FAM91A1: variants seen among roughly 807,000 people sequenced by gnomAD.
The protein encoded by FAM91A1 is protein FAM91A1.
Under a neutral mutation model 113.5 loss-of-function variants are expected in FAM91A1, and 41 were observed. The ratio of observed to expected loss-of-function variants is 0.36; its 90% CI spans 0.28 to 0.47. The LOEUF is 0.47. Among genes scored for constraint, FAM91A1 ranks in the 20% least tolerant of loss-of-function variants. The pLI is 1.00. For missense variants in FAM91A1, 696 were observed against 1,001.2 expected (o/e 0.70, Z 4.11); for synonymous variants, 307 against 347.9 (o/e 0.88, Z 1.31).
chr8:123,772,401 T>C (rs1814871225), intron 1 of FAM91A1, among the ~76,000 whole-genome samples: 1 of 152,192 alleles, frequency 6.6e-6, no homozygotes, highest in Non-Finnish European at 1.5e-5. Context: ...CCTTTAAAAG[T>C]GTGCTATTTT....
Position 123,787,306 on chromosome 8 carries a change from C to G in FAM91A1, c.1124C>G (p.Thr375Arg). 2 of 1,611,720 alleles carry G rather than the reference C, an allele frequency of 1.2e-6. No individual in the cohort carries two copies. The highest frequency in any genetic ancestry group is 1.7e-6 in the Non-Finnish European group (2 of 1,179,688). The change falls in exon 13 of 24, where the codon ACG becomes AGG. Residue 375 changes from threonine to arginine, a missense_variant. By Grantham distance (71) the Thr-to-Arg change is moderately conservative (BLOSUM62 -1). Coordinates refer to ENST00000334705, the MANE Select transcript of FAM91A1 (RefSeq NM_144963.4). ...AGCCTGAGTCTGTCTACAGGACACA[C>G]GAAGCGCATCGCATTCCTGTTTGAC... Reference protein sequence around the residue: ...VSSLSLSTGHTKRIAFLFDST... With the variant: ...VSSLSLSTGHRKRIAFLFDST...
intron 3 of FAM91A1, among the ~76,000 whole-genome samples, chr8:123,776,009 CACTA>C (rs1814975795): frequency 6.6e-6 from 1 of 152,062 alleles, no homozygotes; most frequent in Non-Finnish European, 1.5e-5. Context: ...TTTAACTATT[CACTA>C]ACTGTCTAAA....
intron 15 of FAM91A1, among the ~76,000 whole-genome samples, chr8:123,795,239 G>A (rs565467824): frequency 3.6e-4 from 55 of 152,298 alleles, no homozygotes; most frequent in African/African-American, 1.3e-3. Context: ...CCGAGAGGCA[G>A]CAGATGAGTT....
At chr8:123,812,409 G>GTTAAA in intron 23 of FAM91A1, 110 bp from the exon 24 acceptor site, 1 of 714,152 alleles carries the variant, frequency 1.4e-6, no homozygotes, top group South Asian at 4.4e-5. Context: ...GTACTGCTTT[G>GTTAAA]CAATCCATAA....
At chr8:123,773,091 T>C (rs1814893747) in intron 1 of FAM91A1, among the ~76,000 whole-genome samples, 1 of 152,194 alleles carries the variant, frequency 6.6e-6, no homozygotes, top group Non-Finnish European at 1.5e-5. Context: ...CACATAATTG[T>C]ACAGTTAAAA....
intron 8 of FAM91A1, among the ~76,000 whole-genome samples, chr8:123,781,197 T>A (rs893903524): frequency 5.9e-5 from 9 of 152,354 alleles, no homozygotes; most frequent in Admixed American, 5.9e-4. Flanking sequence ...GGTTATATGT[T>A]ACAAGTATGT....
chr8:123,793,560 C>G (rs1262591543), intron 15 of FAM91A1, among the ~76,000 whole-genome samples: 2 of 152,196 alleles, frequency 1.3e-5, no homozygotes, highest in African/African-American at 4.8e-5. Context: ...TGAGGATTTC[C>G]TTTAAGCTTG....
At chr8:123,790,747 T>G (rs139001577) in intron 15 of FAM91A1, among the ~76,000 whole-genome samples, 54 of 152,328 alleles carry the variant, frequency 3.5e-4, no homozygotes, top group Admixed American at 1.3e-3. Flanking sequence ...TGAGTGAGGC[T>G]AGACTCACTT....
chr8:123,777,576 T>C (rs1316997938), intron 4 of FAM91A1, among the ~76,000 whole-genome samples: 3 of 152,218 alleles, frequency 2.0e-5, no homozygotes, highest in Non-Finnish European at 4.4e-5. Context: ...TTCCAGAGAA[T>C]GAAGTTCTTT....
In FAM91A1 at chr8:123,812,708, GGT is replaced by G. The variant is rs1563651806; in HGVS notation, c.*5_*6del. The G allele has an allele frequency of 1.9e-6, 3 of 1,560,922 alleles. No individual in the cohort carries two copies. Among genetic ancestry groups the G allele is most frequent in the East Asian group, 4.7e-5 (2 of 42,602 alleles). On this transcript the variant is annotated 3_prime_UTR_variant, in exon 24 of 24. Coordinates refer to ENST00000334705, the MANE Select transcript of FAM91A1 (RefSeq NM_144963.4). ...TGCTAATCTCCATTTGCAATAATTTGGTTACACCATTTGTTGCTCACACTTTC... is the reference window on the plus strand; with the variant it reads ...TGCTAATCTCCATTTGCAATAATTTGTACACCATTTGTTGCTCACACTTTC...
chr8:123,806,297 G>C, intron 20 of FAM91A1, 68 bp downstream of exon 20: 1 of 1,468,364 alleles, frequency 6.8e-7, no homozygotes, highest in Non-Finnish European at 9.2e-7. Flanking sequence ...GTTAATATAT[G>C]AAAAGCAGCA....
intron 1 of FAM91A1, among the ~76,000 whole-genome samples, chr8:123,769,758 G>T (rs879292649): frequency 2.0e-5 from 3 of 152,164 alleles, no homozygotes; most frequent in South Asian, 2.1e-4. Flanking sequence ...ATAGCAGATG[G>T]TTTTAAGTCT....
In FAM91A1 at chr8:123,787,965, A is replaced by G. The variant is rs142528811; in HGVS notation, c.1278+215A>G. 5.1e-4 allele frequency among the ~76,000 whole-genome samples: 78 copies of G among 152,314 alleles called. 1 individual carries two copies. In the Middle Eastern group the frequency reaches 0.024, roughly 46 times the overall value. On this transcript the variant is annotated intron_variant, in intron 14 of 23. Transcript: ENST00000334705. ...TTGTGATTTTTAAAGTGATATGTCT[A>G]CCTCATCTAATTCTTAACATAATTT...
In FAM91A1 at chr8:123,812,547, C is replaced by A. The variant is rs755202414; in HGVS notation, c.2360C>A (p.Thr787Lys). ...GGTGCTTCAATATTGGATATTCACA[C>A]AGAGCCCAGTTTTTCAAGTTTGCTT... ...QEGASILDIHTEPSFSSLLSQ... is the reference protein window; with the variant it reads ...QEGASILDIHKEPSFSSLLSQ... Residue 787 changes from threonine (T) to lysine (K), a missense_variant, in exon 24 of 24, where the codon ACA (threonine) becomes AAA (lysine). Transcript: ENST00000334705. 5.0e-6 allele frequency: 8 copies of A among 1,590,862 alleles called. No homozygotes were observed. The highest frequency in any genetic ancestry group is 6.8e-6 in the Non-Finnish European group (8 of 1,172,428).
At chr8:123,771,645 C>T (rs1395646404) in intron 1 of FAM91A1, among the ~76,000 whole-genome samples, 1 of 151,976 alleles carries the variant, frequency 6.6e-6, no homozygotes, top group Non-Finnish European at 1.5e-5. Flanking sequence ...TATTCTTTAT[C>T]CAAAATAATT....
chr8:123,808,594 C>A lies in FAM91A1; in HGVS notation c.2137+218C>A, dbSNP rs914920163. Among the ~76,000 whole-genome samples, 4 of 152,184 alleles carry A rather than the reference C, an allele frequency of 2.6e-5. No individual in the cohort carries two copies. The South Asian group carries it at 8.3e-4, about 32-fold the overall frequency. Reference sequence around the variant, plus strand: ...TATTCCTGTGGTAAATGTTTTGATTCATTCTCTCATCTTACAGATATCTTG... The same window carrying A: ...TATTCCTGTGGTAAATGTTTTGATTAATTCTCTCATCTTACAGATATCTTG... On this transcript the variant is annotated intron_variant, in intron 21 of 23. Coordinates refer to ENST00000334705, the MANE Select transcript of FAM91A1 (RefSeq NM_144963.4).
Position 123,768,766 on chromosome 8 carries a change from G to C in FAM91A1, c.64G>C (p.Val22Leu). The C allele has an allele frequency of 1.2e-6, 2 of 1,611,510 alleles. No individual in the cohort carries two copies. Among genetic ancestry groups the C allele is most frequent in the South Asian group, 1.1e-5 (1 of 90,706 alleles). ...CCCCTGGAACAAGTTGCCGGCCAAC[G>C]TGAGACAGGTACGGCCGGAACCTGG... is the stretch of plus-strand genomic sequence containing the variant. ...NYPWNKLPAN[V>L]RQSLGNSQRE... Residue 22 changes from valine to leucine, a missense_variant, in exon 1 of 24, where the codon GTG becomes CTG. Coordinates refer to ENST00000334705, the MANE Select transcript of FAM91A1 (RefSeq NM_144963.4).
chr8:123,783,128 A>G (rs1395949280), intron 8 of FAM91A1, among the ~76,000 whole-genome samples: 3 of 152,108 alleles, frequency 2.0e-5, no homozygotes, highest in Admixed American at 6.5e-5. Flanking sequence ...GTAAGCCACA[A>G]TCCCCACCCT....
intron 18 of FAM91A1, 38 bp from the exon 19 acceptor site, chr8:123,805,229 G>A: frequency 6.6e-7 from 1 of 1,509,082 alleles, no homozygotes; most frequent in Non-Finnish European, 9.1e-7. Context: ...TGGAAATGAA[G>A]GTTTCTTGTA....
Sources: gnomAD v4.1 joint callset for allele counts (sites outside exome capture counted in the v4.1 genomes callset) on GRCh38, gnomAD v4.1.1 for gene constraint, MANE v1.5 for transcripts, NCBI Gene and HGNC (gene_info 2026-07-23, HGNC 2026-07-21) for gene names.